EXOC6B: variants seen among roughly 807,000 people sequenced by gnomAD.
The protein encoded by EXOC6B is exocyst complex component 6B.
In EXOC6B, 54 loss-of-function variants were observed where a neutral mutation model predicts 113.5. The observed-to-expected ratio is 0.48, with a 90% CI of 0.38 to 0.60. EXOC6B has a LOEUF of 0.60. Ranked by LOEUF, EXOC6B falls within the 20% of genes least tolerant of loss-of-function variation. EXOC6B has a pLI of 0.00. For synonymous variants in EXOC6B, 357 were observed against 339.0 expected, an observed-to-expected ratio of 1.05 and a Z score of -0.58; for missense variants, 797 against 977.5, an observed-to-expected ratio of 0.82 and a Z score of 2.46.
intron 16 of EXOC6B, among the ~76,000 whole-genome samples, chr2:72,482,500 TG>T (rs1699165133): frequency 7.1e-6 from 1 of 140,106 alleles, no homozygotes; most frequent in Non-Finnish European, 1.5e-5. Flanking sequence ...GCCAAGAGGT[TG>T]GGGGGTGGGG....
At chr2:72,225,063 G>A (rs1455772650) in intron 20 of EXOC6B, among the ~76,000 whole-genome samples, 2 of 145,276 alleles carry the variant, frequency 1.4e-5, no homozygotes, top group African/African-American at 5.1e-5. Context: ...TGTTGTCCAG[G>A]TTGGTCTCAA....
At chr2:72,601,101 CATAT>C (rs199881722) in intron 6 of EXOC6B, among the ~76,000 whole-genome samples, 3 of 141,028 alleles carry the variant, frequency 2.1e-5, no homozygotes, top group Non-Finnish European at 4.7e-5. Context: ...TGTATGGCTA[CATAT>C]ATATATATGT....
At chr2:72,817,162 A>G (rs1686295729) in intron 1 of EXOC6B, among the ~76,000 whole-genome samples, 1 of 152,218 alleles carries the variant, frequency 6.6e-6, no homozygotes, top group Non-Finnish European at 1.5e-5. Flanking sequence ...TATTTATATA[A>G]CATGCACTCA....
At position 72,185,743 on chromosome 2, in the gene EXOC6B, T is replaced by TC. The variant is rs1373959372; in HGVS notation, c.2197-1557_2197-1556insG. 4.8e-4 allele frequency among the ~76,000 whole-genome samples: 73 copies of TC among 151,630 alleles called. 1 individual carries two copies. Among genetic ancestry groups the TC allele is most frequent in the African/African-American group, 1.7e-3 (71 of 41,290 alleles). On this transcript the variant is annotated intron_variant, in intron 20 of 21. Coordinates refer to ENST00000272427, the MANE Select transcript of EXOC6B (RefSeq NM_015189.3). ...ACTCTAGTATCAGTATTTCTTTCTTTTTTTTTTTTTTAATTATACTTTAAG... is the reference window on the plus strand; with the variant it reads ...ACTCTAGTATCAGTATTTCTTTCTTTCTTTTTTTTTTTAATTATACTTTAAG...
intron 18 of EXOC6B, among the ~76,000 whole-genome samples, chr2:72,428,947 A>C (rs925789051): frequency 6.6e-6 from 1 of 152,232 alleles, no homozygotes; most frequent in African/African-American, 2.4e-5. Flanking sequence ...CCAATGATTT[A>C]AAGTAAAAGA....
chr2:72,717,432 T>C (rs878885893), intron 6 of EXOC6B, among the ~76,000 whole-genome samples: 1 of 152,138 alleles, frequency 6.6e-6, no homozygotes, highest in South Asian at 2.1e-4. Flanking sequence ...ATACTAAAAA[T>C]TTTTAATAAA....
Position 72,498,604 on chromosome 2 carries a change from CG to C in EXOC6B, c.1240-54del, listed in dbSNP as rs1573262098. ...GTGTCTAAGGAAGGAGTTTTTTTTT[CG>C]GTTTTTTTTTTTTTTGGCAAAATGA... On this transcript the variant is annotated intron_variant, in intron 12 of 21. Coordinates refer to ENST00000272427, the MANE Select transcript of EXOC6B (RefSeq NM_015189.3). 1.6e-4 allele frequency: 172 copies of C among 1,092,694 alleles called. 1 individual carries two copies. The East Asian group carries it at 4.4e-3, about 28-fold the overall frequency. The allele number at this position is 1,092,694 out of a possible 1,614,324, so 67.7% of individuals were successfully genotyped here. A position where few individuals can be genotyped will look rare whatever the true frequency, so the allele number is the denominator to read the frequency against.
intron 6 of EXOC6B, among the ~76,000 whole-genome samples, chr2:72,643,264 T>G (rs1300734253): frequency 6.6e-6 from 1 of 151,352 alleles, no homozygotes; most frequent in Non-Finnish European, 1.5e-5. Context: ...CATTACTGGG[T>G]ATATACCCAA....
rs1319627974 is a variant in EXOC6B at position 72,750,143 on chromosome 2, G to T, written c.114-8674C>A. Among the ~76,000 whole-genome samples, 4 of 151,584 alleles carry T rather than the reference G, an allele frequency of 2.6e-5. No homozygotes were observed. In the East Asian group the frequency reaches 7.7e-4, roughly 29 times the overall value. ...CCTAACAACACCACATTCAACTCCT[G>T]GTCCAATTTCACCCGTAAGTGGTTG... On this transcript the variant is annotated intron_variant, in intron 1 of 21. Coordinates refer to ENST00000272427, the MANE Select transcript of EXOC6B (RefSeq NM_015189.3).
chr2:72,285,829 T>A (rs1263020150), intron 20 of EXOC6B, among the ~76,000 whole-genome samples: 29 of 151,994 alleles, frequency 1.9e-4, no homozygotes, highest in Admixed American at 1.9e-3. Context: ...GGAGCAAAGA[T>A]CTTAACAGAT....
At chr2:72,318,926 G>GCC (rs1687683965) in intron 20 of EXOC6B, among the ~76,000 whole-genome samples, 1 of 149,884 alleles carries the variant, frequency 6.7e-6, no homozygotes, top group African/African-American at 2.4e-5. Flanking sequence ...AAAATCATAA[G>GCC]AACCTATGTT....
intron 8 of EXOC6B, among the ~76,000 whole-genome samples, chr2:72,537,575 C>G (rs1208685719): frequency 6.6e-6 from 1 of 151,892 alleles, no homozygotes; most frequent in Non-Finnish European, 1.5e-5. Context: ...AAGGCTGTAG[C>G]AAGCTGAGAT....
intron 15 of EXOC6B, among the ~76,000 whole-genome samples, chr2:72,493,474 A>C (rs12994280): frequency 1.3e-5 from 2 of 151,854 alleles, no homozygotes; most frequent in Non-Finnish European, 2.9e-5. Context: ...GAAAAAAAAA[A>C]CCATATCAGA....
At position 72,758,636 on chromosome 2, in the gene EXOC6B, G is replaced by A. The variant is rs13003197; in HGVS notation, c.114-17167C>T. On this transcript the variant is annotated intron_variant, in intron 1 of 21. Coordinates refer to ENST00000272427, the MANE Select transcript of EXOC6B (RefSeq NM_015189.3). The stretch of plus-strand genomic sequence containing the variant: ...TTAATAAACTCTTTAACATTGAAGT[G>A]TACAGGGAAAAAAGGAACCTCAGAG... 9.6e-3 allele frequency among the ~76,000 whole-genome samples: 1,462 copies of A among 152,174 alleles called. 8 individuals are homozygous for A. Among genetic ancestry groups the A allele is most frequent in the Non-Finnish European group, 0.016 (1,062 of 68,006 alleles).
At chr2:72,200,941 A>G (rs757666045) in intron 20 of EXOC6B, among the ~76,000 whole-genome samples, 1 of 152,204 alleles carries the variant, frequency 6.6e-6, no homozygotes, top group Non-Finnish European at 1.5e-5. Flanking sequence ...ATAAAACATC[A>G]TAAATAAAGA....
chr2:72,306,700 G>A (rs975904178), intron 20 of EXOC6B, among the ~76,000 whole-genome samples: 1 of 152,056 alleles, frequency 6.6e-6, no homozygotes, highest in African/African-American at 2.4e-5. Context: ...GTTGTATACT[G>A]CTAAACTATT....
intron 18 of EXOC6B, among the ~76,000 whole-genome samples, chr2:72,385,884 A>G (rs1691992184): frequency 6.6e-6 from 1 of 152,192 alleles, no homozygotes; most frequent in South Asian, 2.1e-4. Context: ...GAATGTGGAG[A>G]AGAGGGAACC....
intron 20 of EXOC6B, among the ~76,000 whole-genome samples, chr2:72,279,635 A>G (rs879366257): frequency 2.0e-5 from 3 of 152,276 alleles, no homozygotes; most frequent in Admixed American, 1.3e-4. Context: ...TGTTTTTGAG[A>G]CAAGGTCTGG....
intron 6 of EXOC6B, among the ~76,000 whole-genome samples, chr2:72,650,037 C>G (rs6740390): frequency 0.23 from 35,591 of 152,130 alleles, 7,168 homozygotes; most frequent in African/African-American, 0.55. Flanking sequence ...GCGCGGGGCA[C>G]GACATGAGCA....
Sources: gnomAD v4.1 joint callset for allele counts (sites outside exome capture counted in the v4.1 genomes callset) on GRCh38, gnomAD v4.1.1 for gene constraint, MANE v1.5 for transcripts, NCBI Gene and HGNC (gene_info 2026-07-23, HGNC 2026-07-21) for gene names.